The following PDE8A variants were observed in gnomAD, a reference collection of about 807,000 sequenced individuals.
The protein encoded by PDE8A is high affinity cAMP-specific and IBMX-insensitive 3',5'-cyclic phosphodiesterase 8A.
In PDE8A, 59 loss-of-function variants were observed where a neutral mutation model predicts 105.0. The ratio of observed to expected loss-of-function variants is 0.56; its 90% CI spans 0.46 to 0.70. PDE8A has a LOEUF of 0.70. Among genes scored for constraint, PDE8A ranks in the 30% least tolerant of loss-of-function variants. The pLI is 0.00. For missense variants in PDE8A, 1,014 were observed against 1,045.9 expected, an observed-to-expected ratio of 0.97 and a Z score of 0.42; for synonymous variants, 355 against 371.9, an observed-to-expected ratio of 0.95 and a Z score of 0.52.
chr15:85,031,179 T>C (rs1210165765), intron 1 of PDE8A, among the ~76,000 whole-genome samples: 1 of 152,216 alleles, frequency 6.6e-6, no homozygotes, highest in East Asian at 1.9e-4. Context: ...AAACTGAATC[T>C]GATAGCCCAT....
At chr15:85,008,049 T>A (rs289381) in intron 1 of PDE8A, among the ~76,000 whole-genome samples, 127,857 of 151,914 alleles carry the variant, frequency 0.84, 54,018 homozygotes, top group Non-Finnish European at 0.87. Context: ...GTCCTTAATG[T>A]ATGTGAGTGA....
intron 1 of PDE8A, among the ~76,000 whole-genome samples, chr15:85,011,595 A>G (rs1014640330): frequency 3.9e-5 from 6 of 152,232 alleles, no homozygotes; most frequent in African/African-American, 1.2e-4. Flanking sequence ...TGGTTTTCCT[A>G]GAAGAAAACC....
At chr15:85,102,506 T>C (rs545372639) in intron 11 of PDE8A, among the ~76,000 whole-genome samples, 68 of 150,922 alleles carry the variant, frequency 4.5e-4, no homozygotes, top group Non-Finnish European at 5.8e-4. Context: ...CAGGGGGCTT[T>C]TACTTGGTTG....
chr15:85,124,641 G>A (rs2082232120), intron 19 of PDE8A, among the ~76,000 whole-genome samples: 1 of 152,154 alleles, frequency 6.6e-6, no homozygotes, highest in Admixed American at 6.5e-5. Context: ...CTGATGTTGA[G>A]AACTGTTTCT....
At chr15:85,128,002 A>G (rs2082280588) in intron 20 of PDE8A, among the ~76,000 whole-genome samples, 1 of 144,552 alleles carries the variant, frequency 6.9e-6, no homozygotes, top group African/African-American at 2.5e-5. Context: ...TCAGTGGCTA[A>G]TGTGAAATTT....
Position 85,102,455 on chromosome 15 carries a change from A to G in PDE8A, c.1036+2257A>G, listed in dbSNP as rs910051519. Among the ~76,000 whole-genome samples, 13 of 152,100 alleles carry G rather than the reference A, an allele frequency of 8.5e-5. 1 individual carries two copies. The highest frequency in any genetic ancestry group is 2.2e-4 in the African/African-American group (9 of 41,488). On this transcript the variant is annotated intron_variant, in intron 11 of 21. Coordinates refer to ENST00000394553, the MANE Select transcript of PDE8A (RefSeq NM_002605.3). ...TGGAGGAGTCAGAGTAGAAAGCAGC[A>G]TGTGTGGGCCTGTTATGGAGAGTCC...
At chr15:85,109,205 C>T in intron 12 of PDE8A, 75 bp downstream of exon 12, 1 of 938,466 alleles carries the variant, frequency 1.1e-6, no homozygotes, top group Non-Finnish European at 1.7e-6. Context: ...CTGCCTTGCC[C>T]AGGCTCATCC....
At chr15:85,050,597 C>T (rs1458264047) in intron 1 of PDE8A, among the ~76,000 whole-genome samples, 2 of 152,176 alleles carry the variant, frequency 1.3e-5, no homozygotes, top group Non-Finnish European at 1.5e-5. Context: ...ATGTTCTTGG[C>T]TCCCTTGTTA....
chr15:85,096,930 T>C (rs559016148), intron 8 of PDE8A, among the ~76,000 whole-genome samples: 2 of 152,346 alleles, frequency 1.3e-5, no homozygotes, highest in East Asian at 1.9e-4. Flanking sequence ...TGAGCTCTTA[T>C]CATTGGTATT....
chr15:85,096,243 A>G (rs2141550162), intron 8 of PDE8A, among the ~76,000 whole-genome samples: 1 of 151,996 alleles, frequency 6.6e-6, no homozygotes, highest in East Asian at 1.9e-4. Context: ...TCTTTTTTTA[A>G]TGTAACAGTT....
At chr15:85,021,957 G>C (rs1444478397) in intron 1 of PDE8A, among the ~76,000 whole-genome samples, 3 of 152,176 alleles carry the variant, frequency 2.0e-5, no homozygotes, top group Non-Finnish European at 4.4e-5. Context: ...GATCACTTAA[G>C]GTGGTGCCTG....
intron 1 of PDE8A, among the ~76,000 whole-genome samples, chr15:85,035,040 T>C (rs775876817): frequency 6.6e-5 from 10 of 152,096 alleles, no homozygotes; most frequent in African/African-American, 9.7e-5. Flanking sequence ...ATACCTGACA[T>C]ACCAATAAAT....
intron 1 of PDE8A, among the ~76,000 whole-genome samples, chr15:85,056,242 T>G (rs973670090): frequency 8.5e-5 from 13 of 152,332 alleles, no homozygotes; most frequent in African/African-American, 2.9e-4. Flanking sequence ...GCCCTTAACA[T>G]TTTTTCCTTC....
Position 85,136,649 on chromosome 15 carries a change from T to C in PDE8A, c.2369T>C (p.Phe790Ser), listed in dbSNP as rs2082415581. ...SFIDYFITDM[F>S]DAWDAFVDLP... Reference sequence around the variant, plus strand: ...ATTGATTACTTCATCACAGACATGTTTGATGCTTGGGATGGTAAGAAATCT... The same window carrying C: ...ATTGATTACTTCATCACAGACATGTCTGATGCTTGGGATGGTAAGAAATCT... The change falls in exon 21 of 22, where the codon TTT becomes TCT. Residue 790 changes from phenylalanine (F) to serine (S), a missense_variant. By Grantham distance (155) the Phe-to-Ser change is radical. Coordinates refer to ENST00000394553, the MANE Select transcript of PDE8A (RefSeq NM_002605.3). 2 of 1,613,532 alleles carry C rather than the reference T, an allele frequency of 1.2e-6. No individual in the cohort carries two copies. Among genetic ancestry groups the C allele is most frequent in the Non-Finnish European group, 1.7e-6 (2 of 1,179,826 alleles).
At position 85,117,683 on chromosome 15, in the gene PDE8A, A is replaced by G. The variant is rs1193247928; in HGVS notation, c.1578A>G (p.Gly526=). The G allele has an allele frequency of 1.9e-6, 3 of 1,613,964 alleles. No homozygotes were observed. The Admixed American group carries it at 5.0e-5, about 27-fold the overall frequency. ...GTCTCAAAATGTTTGCTCGCTTTGG[A>G]ATCTGTGAATTCTTACACTGCTCCG... The part of the protein sequence containing the change: ...YLGLKMFARF[G]ICEFLHCSES... The change falls in exon 17 of 22, where the codon GGA becomes GGG. Residue 526 remains glycine (G), a synonymous_variant. Transcript: ENST00000394553.
At chr15:85,057,175 C>T (rs1214828308) in intron 1 of PDE8A, among the ~76,000 whole-genome samples, 1 of 152,102 alleles carries the variant, frequency 6.6e-6, no homozygotes, top group Non-Finnish European at 1.5e-5. Flanking sequence ...CTGGAAGCTT[C>T]GTCTCAGAGG....
In PDE8A at chr15:85,133,520, T is replaced by C. The variant is rs528520032; in HGVS notation, c.2254-3014T>C. Among the ~76,000 whole-genome samples the C allele has an allele frequency of 4.7e-4, 72 of 152,258 alleles. 1 individual carries two copies. The highest frequency in any genetic ancestry group is 4.1e-3 in the Admixed American group (62 of 15,286). ...AAGGTTGAGTGAAAATACCCTTAAG[T>C]TTCCTGCTGTTTTGAATGTGGCTTT... is the stretch of plus-strand genomic sequence containing the variant. On this transcript the variant is annotated intron_variant, in intron 20 of 21. Transcript: ENST00000394553.
intron 1 of PDE8A, among the ~76,000 whole-genome samples, chr15:85,034,882 G>C (rs1414838241): frequency 1.3e-5 from 2 of 151,944 alleles, no homozygotes; most frequent in African/African-American, 2.4e-5. Context: ...ATTTTCATGG[G>C]GGTTAAATAG....
intron 20 of PDE8A, among the ~76,000 whole-genome samples, chr15:85,131,812 T>G (rs1410146616): frequency 6.6e-6 from 1 of 152,204 alleles, no homozygotes; most frequent in Non-Finnish European, 1.5e-5. Flanking sequence ...GGCTTATGTT[T>G]ATCTAGGAAT....
Sources: allele counts gnomAD v4.1 joint callset (sites outside exome capture counted in the v4.1 genomes callset), GRCh38; gene constraint gnomAD v4.1.1; transcripts MANE v1.5; gene names NCBI Gene and HGNC (gene_info 2026-07-23, HGNC 2026-07-21).